Variants in EYA4 observed in about 807,000 individuals in gnomAD.
The protein encoded by EYA4 is protein phosphatase EYA4.
Under a neutral mutation model 87.9 loss-of-function variants are expected in EYA4, and 31 were observed. The observed-to-expected ratio is 0.35, with a 90% CI of 0.27 to 0.48. The LOEUF (loss-of-function observed/expected upper bound fraction) is 0.48. Ranked by LOEUF, EYA4 falls within the 20% of genes least tolerant of loss-of-function variation. The pLI, the probability that EYA4 is intolerant of heterozygous loss-of-function variation, is 0.99. For synonymous variants in EYA4, 263 were observed against 270.6 expected (o/e 0.97, Z 0.28); for missense variants, 678 against 761.4 (o/e 0.89, Z 1.29).
At chr6:133,439,055 A>AAAAAAAAAAAAAAAAAAAAAAAAAAAAAC (rs1792005033) in intron 3 of EYA4, among the ~76,000 whole-genome samples, 1 of 141,444 alleles carries the variant, frequency 7.1e-6, no homozygotes, top group Non-Finnish European at 1.6e-5. Flanking sequence ...GTCTCAAAAA[A>AAAAAAAAAAAAAAAAAAAAAAAAAAAAAC]AAAAAAAAAA....
chr6:133,453,986 A>T (rs1270878603), intron 5 of EYA4, among the ~76,000 whole-genome samples: 1 of 151,938 alleles, frequency 6.6e-6, no homozygotes, highest in Non-Finnish European at 1.5e-5. Context: ...TCTCCTTTTG[A>T]CCTCCCCAAA....
At position 133,456,538 on chromosome 6, in the gene EYA4, A is replaced by ACTT; in HGVS notation, c.278-17_278-15dup. 1 of 1,549,596 alleles carries ACTT rather than the reference A, an allele frequency of 6.5e-7. No homozygotes were observed. ...AAATTTAGAAGTAAAACTCACATGT[A>ACTT]CTTATTCTTCTACGTAGTGTCTCTT... On this transcript the variant is annotated splice_polypyrimidine_tract_variant and intron_variant, in intron 5 of 19. Transcript: ENST00000355286.
rs192277458 is a variant in EYA4 at position 133,493,587 on chromosome 6, G to A, written c.1191+10472G>A. ...AAGCACAGGCAACCAAGCAAAAATG[G>A]ATAAATGGGAGGCATCAAGTTAAAA... On this transcript the variant is annotated intron_variant, in intron 13 of 19. Transcript: ENST00000355286. Among the ~76,000 whole-genome samples the A allele has an allele frequency of 1.1e-4, 16 of 152,184 alleles. No homozygotes were observed. The East Asian group carries it at 2.9e-3, about 28-fold the overall frequency.
In EYA4 at chr6:133,277,209, A is replaced by G. The variant is rs551076141; in HGVS notation, c.33+2396A>G. Among the ~76,000 whole-genome samples the G allele has an allele frequency of 2.0e-3, 307 of 152,304 alleles. 3 individuals carry two copies. The highest frequency in any genetic ancestry group is 3.2e-3 in the Admixed American group (49 of 15,302). ...GCACACTGCATCTAGCATTTTCCAT[A>G]TACTTGCTCCAATTCTTACCATGTA... On this transcript the variant is annotated intron_variant, in intron 2 of 19. Coordinates refer to ENST00000355286, the MANE Select transcript of EYA4 (RefSeq NM_004100.5).
At chr6:133,494,515 AGT>A (rs985072714) in intron 13 of EYA4, among the ~76,000 whole-genome samples, 8 of 152,062 alleles carry the variant, frequency 5.3e-5, no homozygotes, top group African/African-American at 1.9e-4. Context: ...GGGTGACTGT[AGT>A]CAACAATAAT....
At chr6:133,429,560 G>A (rs1438705801) in intron 3 of EYA4, among the ~76,000 whole-genome samples, 5 of 152,098 alleles carry the variant, frequency 3.3e-5, no homozygotes, top group Non-Finnish European at 7.4e-5. Flanking sequence ...GAGGAATTGA[G>A]TCTAGTTTCA....
At chr6:133,284,771 G>A (rs1156308509) in intron 2 of EYA4, among the ~76,000 whole-genome samples, 2 of 152,120 alleles carry the variant, frequency 1.3e-5, no homozygotes, top group African/African-American at 4.8e-5. Context: ...TATATTTGAA[G>A]CATGGTTTTC....
At chr6:133,365,353 C>A (rs1404799335) in intron 2 of EYA4, among the ~76,000 whole-genome samples, 1 of 152,134 alleles carries the variant, frequency 6.6e-6, no homozygotes, top group African/African-American at 2.4e-5. Flanking sequence ...TTAGCCACTT[C>A]CTGCCGAATG....
rs60426002 is a variant in EYA4, at chr6:133,266,071, A to G, written c.-65-8645A>G. 2.1e-3 allele frequency among the ~76,000 whole-genome samples: 323 copies of G among 152,324 alleles called. 2 individuals are homozygous for G. The highest frequency in any genetic ancestry group is 7.3e-3 in the African/African-American group (304 of 41,576). Reference sequence around the variant, plus strand: ...ATAATTATACATGTGTGGTGAGTAAATTGTGTTCCGTAAAAGATACTTTTA... The same window carrying G: ...ATAATTATACATGTGTGGTGAGTAAGTTGTGTTCCGTAAAAGATACTTTTA... On this transcript the variant is annotated intron_variant, in intron 1 of 19. Transcript: ENST00000355286.
intron 13 of EYA4, 134 bp from the exon 14 acceptor site, chr6:133,505,972 G>A (rs1445560807): frequency 1.5e-6 from 1 of 674,610 alleles, no homozygotes; most frequent in Non-Finnish European, 2.7e-6. Context: ...GGAAAACTGA[G>A]AAATCTTTTG....
chr6:133,410,892 C>T (rs933082388), intron 3 of EYA4, among the ~76,000 whole-genome samples: 1 of 151,930 alleles, frequency 6.6e-6, no homozygotes, highest in African/African-American at 2.4e-5. Context: ...TGAAGAAGAT[C>T]AAAGTAGCAG....
chr6:133,420,294 C>T (rs1269841081), intron 3 of EYA4, among the ~76,000 whole-genome samples: 1 of 152,160 alleles, frequency 6.6e-6, no homozygotes, highest in Non-Finnish European at 1.5e-5. Context: ...TAGGCAAAGA[C>T]TATAGAAAGA....
chr6:133,444,394 A>T lies in EYA4; in HGVS notation c.84-2236A>T, dbSNP rs1290724757. Among the ~76,000 whole-genome samples, 5 of 151,770 alleles carry T rather than the reference A, an allele frequency of 3.3e-5. No homozygotes were observed. The East Asian group carries it at 9.7e-4, about 29-fold the overall frequency. ...GTGGTATATCATTTTCCATTCTTTG[A>T]CCCTCCACCTATTTGGGCCTTATCA... On this transcript the variant is annotated intron_variant, in intron 3 of 19. Transcript: ENST00000355286.
chr6:133,460,515 A>G lies in EYA4; in HGVS notation c.371-599A>G, dbSNP rs141368291. 3.0e-3 allele frequency among the ~76,000 whole-genome samples: 456 copies of G among 152,248 alleles called. 1 individual carries two copies. Among genetic ancestry groups the G allele is most frequent in the African/African-American group, 0.01 (431 of 41,574 alleles). On this transcript the variant is annotated intron_variant, in intron 6 of 19. Transcript: ENST00000355286. ...TATTTGTAAATGTAATTGCTACTGC[A>G]TTTTGTGATTATGTTTTAAAGAAAT...
chr6:133,331,027 G>GTTT lies in EYA4; in HGVS notation c.34-51346_34-51344dup, dbSNP rs71636692. On this transcript the variant is annotated intron_variant, in intron 2 of 19. Coordinates refer to ENST00000355286, the MANE Select transcript of EYA4 (RefSeq NM_004100.5). ...TTGATTATTTTGTATAACCAAACGG[G>GTTT]TTTTTTTTTTTTTTTTTTTTTGCAC... Among the ~76,000 whole-genome samples the GTTT allele has an allele frequency of 9.6e-3, 1,082 of 113,112 alleles. 34 individuals carry two copies. The highest frequency in any genetic ancestry group is 0.014 in the South Asian group (46 of 3,260). 74.2% of individuals were successfully genotyped at this position (113,112 alleles called of 152,430 possible).
At chr6:133,388,355 C>T (rs1426712681) in intron 3 of EYA4, among the ~76,000 whole-genome samples, 1 of 149,970 alleles carries the variant, frequency 6.7e-6, no homozygotes, top group African/African-American at 2.5e-5. Flanking sequence ...TGCAGTGAGC[C>T]GTAATCATGC....
At position 133,469,235 on chromosome 6, in the gene EYA4, G is replaced by C. The variant is rs74773730; in HGVS notation, c.970+504G>C. Among the ~76,000 whole-genome samples, 760 of 152,092 alleles carry C rather than the reference G, an allele frequency of 5.0e-3. 9 individuals are homozygous for C. The highest frequency in any genetic ancestry group is 0.026 in the East Asian group (136 of 5,176). ...TCATTATCTGAAACTTGCAGTATTT[G>C]AATTGCATTTGCGACACGTAATTTG... On this transcript the variant is annotated intron_variant, in intron 11 of 19. Transcript: ENST00000355286.
chr6:133,269,499 C>T (rs1296031341), intron 1 of EYA4, among the ~76,000 whole-genome samples: 1 of 99,472 alleles, frequency 1.0e-5, no homozygotes. Context: ...AAAAAACATA[C>T]CTTTGATCTG....
intron 1 of EYA4, among the ~76,000 whole-genome samples, chr6:133,251,106 A>T (rs1345119157): frequency 6.6e-6 from 1 of 152,232 alleles, no homozygotes; most frequent in African/African-American, 2.4e-5. Flanking sequence ...GTTGTGCAGT[A>T]ATATTTCTTT....
Sources: allele counts gnomAD v4.1 joint callset (sites outside exome capture counted in the v4.1 genomes callset), GRCh38; gene constraint gnomAD v4.1.1; transcripts MANE v1.5; gene names NCBI Gene and HGNC (gene_info 2026-07-23, HGNC 2026-07-21).